Variants in IMPG2 observed in about 807,000 individuals in gnomAD.
The protein encoded by IMPG2 is IPM 200.
IMPG2 carries 91 observed loss-of-function variants against 129.2 expected under a neutral mutation model. That is an observed-to-expected ratio of 0.70 (90% CI 0.59 to 0.84). The LOEUF (loss-of-function observed/expected upper bound fraction) is 0.84. Ranked by LOEUF, IMPG2 falls within the 40% of genes least tolerant of loss-of-function variation. IMPG2 has a pLI of 0.00. For synonymous variants in IMPG2, 510 were observed against 517.7 expected, an observed-to-expected ratio of 0.99 and a Z score of 0.20; for missense variants, 1,430 against 1,461.7, an observed-to-expected ratio of 0.98 and a Z score of 0.35.
chr3:101,263,097 C>T (rs924102146), intron 9 of IMPG2, among the ~76,000 whole-genome samples: 1 of 151,986 alleles, frequency 6.6e-6, no homozygotes, highest in African/African-American at 2.4e-5. Context: ...AATACAATAA[C>T]AGTTGAGGAC....
intron 2 of IMPG2, among the ~76,000 whole-genome samples, 165 bp downstream of exon 2, chr3:101,319,419 G>C (rs1208695064): frequency 6.6e-6 from 1 of 152,090 alleles, no homozygotes; most frequent in African/African-American, 2.4e-5. Context: ...AATGTAAACT[G>C]TTCTCTGAAG....
At chr3:101,315,189 T>A (rs920052187) in intron 2 of IMPG2, among the ~76,000 whole-genome samples, 1 of 152,194 alleles carries the variant, frequency 6.6e-6, no homozygotes, top group Non-Finnish European at 1.5e-5. Flanking sequence ...AGAAAGAAAC[T>A]AGAAGCCTGC....
intron 3 of IMPG2, 99 bp downstream of exon 3, chr3:101,304,047 A>C: frequency 8.0e-7 from 1 of 1,255,938 alleles, no homozygotes; most frequent in Non-Finnish European, 1.2e-6. Flanking sequence ...CAAAAGAGTA[A>C]TACAGGCATT....
intron 2 of IMPG2, among the ~76,000 whole-genome samples, chr3:101,316,686 T>C (rs1444633640): frequency 6.6e-6 from 1 of 152,064 alleles, no homozygotes. Context: ...AACTTGACAA[T>C]TTACTGGAAA....
chr3:101,231,134 C>A lies in IMPG2; in HGVS notation c.3245G>T (p.Gly1082Val). Reference sequence around the variant, plus strand: ...CTTGCCTCGGTACCACCAGTTCTCACCCACCCGGCACCTGCAACCAACAGT... The same window carrying A: ...CTTGCCTCGGTACCACCAGTTCTCAACCACCCGGCACCTGCAACCAACAGT... ...GHGAICRCRV[G>V]ENWWYRGKHC... Residue 1082 changes from glycine to valine, a missense_variant, in exon 16 of 19, where the codon GGT becomes GTT. Gly to Val is a moderately radical substitution (Grantham distance 109, BLOSUM62 -3). Coordinates refer to ENST00000193391, the MANE Select transcript of IMPG2 (RefSeq NM_016247.4). The A allele has an allele frequency of 6.2e-7, 1 of 1,614,054 alleles. No homozygotes were observed. The highest frequency in any genetic ancestry group is 8.5e-7 in the Non-Finnish European group (1 of 1,180,008).
Position 101,244,463 on chromosome 3 carries a change from T to C in IMPG2, c.1868A>G (p.Lys623Arg). Residue 623 changes from lysine to arginine, a missense_variant, in exon 13 of 19, where the codon AAG becomes AGG. Transcript: ENST00000193391. ...TWPWSETSSE[K>R]SAEPLSKPWL... is the part of the protein sequence containing the mutation. ...CGGCTTGGACAGTGGTTCAGCGCTCTTCTCTGATGAAGTCTCACTCCATGG... is the reference window on the plus strand; with the variant it reads ...CGGCTTGGACAGTGGTTCAGCGCTCCTCTCTGATGAAGTCTCACTCCATGG... The C allele has an allele frequency of 3.7e-6, 6 of 1,614,170 alleles. No individual in the cohort carries two copies. The highest frequency in any genetic ancestry group is 4.2e-6 in the Non-Finnish European group (5 of 1,179,994).
Position 101,243,799 on chromosome 3 carries a change from C to A in IMPG2, c.2532G>T (p.Arg844=), listed in dbSNP as rs1309508608. 11 of 1,614,146 alleles carry A rather than the reference C, an allele frequency of 6.8e-6. No individual in the cohort carries two copies. The highest frequency in any genetic ancestry group is 8.5e-6 in the Non-Finnish European group (10 of 1,180,006). Residue 844 remains arginine (R), a synonymous_variant, in exon 13 of 19, where the codon CGG becomes CGT. Coordinates refer to ENST00000193391, the MANE Select transcript of IMPG2 (RefSeq NM_016247.4). ...CAGGCTGATAGTAATCTGTGCCTAT[C>A]CGGTCCAGTTCTAACGAAATATCCT... ...GVQDISLELD[R]IGTDYYQPEQ...
chr3:101,273,923 A>T lies in IMPG2; in HGVS notation c.667-181T>A, dbSNP rs138458233. ...TTTAAGACACAGGCTAACAGCCAGG[A>T]GAAGTGGCTCACACCTGTAATCTCA... On this transcript the variant is annotated intron_variant, in intron 6 of 18. Transcript: ENST00000193391. Among the ~76,000 whole-genome samples, 1,495 of 152,246 alleles carry T rather than the reference A, an allele frequency of 9.8e-3. 28 individuals are homozygous for T. Among genetic ancestry groups the T allele is most frequent in the African/African-American group, 0.034 (1,415 of 41,542 alleles).
chr3:101,229,318 C>CCCGG, intron 17 of IMPG2, 62 bp downstream of exon 17: 1 of 1,136,290 alleles, frequency 8.8e-7, no homozygotes, highest in Non-Finnish European at 1.3e-6. Context: ...CCACCACCCC[C>CCCGG]TGCTCCCCCA....
chr3:101,243,604 G>A lies in IMPG2; in HGVS notation c.2727C>T (p.Asn909=). 6.2e-7 allele frequency: 1 copy of A among 1,613,808 alleles called. No homozygotes were observed. Among genetic ancestry groups the A allele is most frequent in the Non-Finnish European group, 8.5e-7 (1 of 1,179,892 alleles). The change falls in exon 13 of 19, where the codon AAC becomes AAT. Residue 909 remains asparagine, a synonymous_variant. Transcript: ENST00000193391. Reference sequence around the variant, plus strand: ...TAAACAGATCTTCTGAAAACATCATGTTAGTCACTCGGAGGCTGAAGAAAA... The same window carrying A: ...TAAACAGATCTTCTGAAAACATCATATTAGTCACTCGGAGGCTGAAGAAAA... The part of the protein sequence containing the change: ...LVVFFSLRVT[N]MMFSEDLFNK...
chr3:101,267,428 A>T, intron 9 of IMPG2, 83 bp downstream of exon 9: 1 of 1,147,132 alleles, frequency 8.7e-7, no homozygotes, highest in Non-Finnish European at 1.3e-6. Context: ...TATTTGAGTT[A>T]TGCTCCCCTG....
chr3:101,318,703 C>T (rs555408244), intron 2 of IMPG2, among the ~76,000 whole-genome samples: 28 of 152,210 alleles, frequency 1.8e-4, no homozygotes, highest in Middle Eastern at 3.4e-3. Flanking sequence ...TTTACAATCA[C>T]TTCATCATCT....
At chr3:101,241,647 T>G (rs1478202904) in intron 14 of IMPG2, among the ~76,000 whole-genome samples, 7 of 152,064 alleles carry the variant, frequency 4.6e-5, no homozygotes, top group Non-Finnish European at 7.4e-5. Flanking sequence ...GAAAAGAGCA[T>G]GGATTTGAGA....
intron 3 of IMPG2, among the ~76,000 whole-genome samples, chr3:101,302,557 GT>G (rs1707150174): frequency 6.6e-6 from 1 of 152,168 alleles, no homozygotes; most frequent in South Asian, 2.1e-4. Context: ...ATCATATCTG[GT>G]TTTATGTTAT....
chr3:101,318,183 A>AATAATAATG (rs2058794894), intron 2 of IMPG2, among the ~76,000 whole-genome samples: 1 of 135,730 alleles, frequency 7.4e-6, no homozygotes, highest in African/African-American at 2.7e-5. Context: ...TAATAATAAT[A>AATAATAATG]ATAATATAAA....
intron 4 of IMPG2, among the ~76,000 whole-genome samples, chr3:101,283,221 C>T (rs1212023462): frequency 1.3e-5 from 2 of 152,064 alleles, no homozygotes; most frequent in Non-Finnish European, 2.9e-5. Flanking sequence ...GACGGGATTT[C>T]ACCATGTTGG....
intron 4 of IMPG2, among the ~76,000 whole-genome samples, chr3:101,280,981 G>C (rs937434590): frequency 1.3e-5 from 2 of 151,796 alleles, no homozygotes; most frequent in Non-Finnish European, 2.9e-5. Flanking sequence ...AGTGATCCAT[G>C]ATGGGTATTC....
At position 101,244,585 on chromosome 3, in the gene IMPG2, C is replaced by T; in HGVS notation, c.1746G>A (p.Val582=). ...TGGATGCATCTGGCAGGAAAGGGCT[C>T]ACTTTTAATTGGTCTTTGACTTTGG... is the stretch of plus-strand genomic sequence containing the variant. ...LTSKVKDQLK[V]SPFLPDASME... Residue 582 remains valine (V), a synonymous_variant, in exon 13 of 19, where the codon GTG becomes GTA. Transcript: ENST00000193391. The T allele has an allele frequency of 5.6e-6, 9 of 1,594,234 alleles. No homozygotes were observed. The highest frequency in any genetic ancestry group is 7.7e-6 in the Non-Finnish European group (9 of 1,171,026).
At position 101,242,670 on chromosome 3, in the gene IMPG2, T is replaced by A; in HGVS notation, c.3022+18A>T. 2 of 1,551,612 alleles carry A rather than the reference T, an allele frequency of 1.3e-6. No homozygotes were observed. Among genetic ancestry groups the A allele is most frequent in the Non-Finnish European group, 1.8e-6 (2 of 1,123,348 alleles). On this transcript the variant is annotated intron_variant, in intron 14 of 18. Transcript: ENST00000193391. ...ACTGGATTCTACTAAGAAACCACCA[T>A]GCTAGGCAATATCATACCTGATTCC...
Sources: allele counts gnomAD v4.1 joint callset (sites outside exome capture counted in the v4.1 genomes callset), GRCh38; gene constraint gnomAD v4.1.1; transcripts MANE v1.5; gene names NCBI Gene and HGNC (gene_info 2026-07-23, HGNC 2026-07-21).